Variants in CRAMP1 observed in about 807,000 individuals in gnomAD.
CRAMP1 encodes the protein protein cramped-like.
CRAMP1 carries 50 observed loss-of-function variants against 115.4 expected under a neutral mutation model. That is an observed-to-expected ratio of 0.43 (90% confidence interval 0.35 to 0.55). The LOEUF (loss-of-function observed/expected upper bound fraction) is 0.55, where lower values mean the gene tolerates loss of function less well. CRAMP1 is among the 20% of genes least tolerant of loss of function. The probability of loss-of-function intolerance (pLI) is 0.01; values close to 1 mark genes in which losing one functional copy is unlikely to be tolerated. For synonymous variants in CRAMP1, 866 were observed against 745.4 expected (o/e 1.16, Z -2.64); for missense variants, 1,679 against 1,721.7 (o/e 0.98, Z 0.44).
rs1271759245 is a variant in CRAMP1 at position 1,625,778 on chromosome 16, G to A, written c.347-195G>A. On this transcript the variant is annotated intron_variant, in intron 2 of 20. Transcript: ENST00000397412. ...TGTAAAAACATTTGAGGGTCATTTGGCCAGGTAAAGATCCTGGCAGTCCTA... is the reference window on the plus strand; with the variant it reads ...TGTAAAAACATTTGAGGGTCATTTGACCAGGTAAAGATCCTGGCAGTCCTA... 9.5e-6 allele frequency: 5 copies of A among 524,832 alleles called. No homozygotes were observed. The Admixed American group carries it at 1.9e-4, about 19-fold the overall frequency. 32.5% of individuals were successfully genotyped at this position (524,832 alleles called of 1,614,324 possible). A position where few individuals can be genotyped will look rare whatever the true frequency, so the allele number is the denominator to read the frequency against.
intron 6 of CRAMP1, among the ~76,000 whole-genome samples, chr16:1,648,366 T>C (rs907871969): frequency 1.3e-5 from 2 of 152,136 alleles, no homozygotes; most frequent in African/African-American, 4.8e-5. Flanking sequence ...CCCAGCACTT[T>C]GGGAGGCCGC....
chr16:1,618,121 T>C (rs2036436643), intron 2 of CRAMP1, among the ~76,000 whole-genome samples: 2 of 152,130 alleles, frequency 1.3e-5, no homozygotes. Context: ...TTTCCCTATT[T>C]GGCCAGTTCA....
At chr16:1,627,412 C>T (rs2142174545) in intron 3 of CRAMP1, among the ~76,000 whole-genome samples, 1 of 152,308 alleles carries the variant, frequency 6.6e-6, no homozygotes, top group Non-Finnish European at 1.5e-5. Context: ...TCCCAGGAGC[C>T]TTGTTCTTTT....
chr16:1,665,409 G>C (rs947190817), intron 14 of CRAMP1, among the ~76,000 whole-genome samples: 1 of 152,190 alleles, frequency 6.6e-6, no homozygotes, highest in Admixed American at 6.5e-5. Flanking sequence ...GGTTAGAGTT[G>C]TGTCTCTTGT....
intron 6 of CRAMP1, among the ~76,000 whole-genome samples, chr16:1,644,524 C>T (rs2036657685): frequency 6.6e-6 from 1 of 152,136 alleles, no homozygotes. Context: ...TACTGTGAAA[C>T]TGACGTGGCA....
chr16:1,629,040 A>G (rs1255552058), intron 3 of CRAMP1, among the ~76,000 whole-genome samples: 24 of 151,990 alleles, frequency 1.6e-4, no homozygotes, highest in Admixed American at 1.5e-3. Flanking sequence ...ATACCCTTCC[A>G]TTTCTGTGGC....
intron 2 of CRAMP1, among the ~76,000 whole-genome samples, chr16:1,615,398 A>G (rs2036410289): frequency 6.6e-6 from 1 of 152,094 alleles, no homozygotes; most frequent in African/African-American, 2.4e-5. Flanking sequence ...GGCTTTTGAA[A>G]CTCATTGGGG....
chr16:1,670,230 C>T (rs1294283938), intron 19 of CRAMP1, among the ~76,000 whole-genome samples: 1 of 151,760 alleles, frequency 6.6e-6, no homozygotes, highest in Non-Finnish European at 1.5e-5. Flanking sequence ...CACCACTGCA[C>T]TGCAGCCTGG....
intron 17 of CRAMP1, 108 bp downstream of exon 17, chr16:1,667,508 T>C: frequency 1.2e-6 from 1 of 842,440 alleles, no homozygotes; most frequent in Non-Finnish European, 2.0e-6. Flanking sequence ...TCTCCTAGAC[T>C]GTGCAGTGGC....
chr16:1,635,291 G>A (rs1008228211), intron 4 of CRAMP1, among the ~76,000 whole-genome samples: 1 of 152,210 alleles, frequency 6.6e-6, no homozygotes, highest in African/African-American at 2.4e-5. Flanking sequence ...GGTGGCAAGC[G>A]AGCGTGGAAG....
intron 6 of CRAMP1, among the ~76,000 whole-genome samples, chr16:1,648,073 G>C (rs1301830887): frequency 6.6e-6 from 1 of 151,782 alleles, no homozygotes; most frequent in Non-Finnish European, 1.5e-5. Flanking sequence ...TGTAACCTCA[G>C]AATGGTTCCA....
At chr16:1,667,273 G>T in intron 16 of CRAMP1, 62 bp from the exon 17 acceptor site, 1 of 1,363,440 alleles carries the variant, frequency 7.3e-7, no homozygotes, top group East Asian at 2.3e-5. Flanking sequence ...TCTGTCGCGG[G>T]TGAGGGTATG....
At chr16:1,665,331 G>T (rs982682348) in intron 14 of CRAMP1, among the ~76,000 whole-genome samples, 193 bp downstream of exon 14, 1 of 152,202 alleles carries the variant, frequency 6.6e-6, no homozygotes, top group Non-Finnish European at 1.5e-5. Context: ...CTAGTCCAGC[G>T]AGGCAGCTAG....
At chr16:1,615,607 G>A (rs1461135183) in intron 2 of CRAMP1, among the ~76,000 whole-genome samples, 1 of 152,186 alleles carries the variant, frequency 6.6e-6, no homozygotes, top group Non-Finnish European at 1.5e-5. Flanking sequence ...AGCTTGTAGT[G>A]TTCGCCCTTG....
chr16:1,645,164 A>G (rs1335529516), intron 6 of CRAMP1, among the ~76,000 whole-genome samples: 1 of 151,622 alleles, frequency 6.6e-6, no homozygotes, highest in East Asian at 1.9e-4. Context: ...GATTTCCCCC[A>G]TTATTAACAC....
At chr16:1,644,514 T>C (rs1255376089) in intron 6 of CRAMP1, among the ~76,000 whole-genome samples, 5 of 152,110 alleles carry the variant, frequency 3.3e-5, no homozygotes, top group Non-Finnish European at 1.5e-5. Context: ...GGATGAAAGT[T>C]ACTGTGAAAC....
intron 2 of CRAMP1, chr16:1,620,523 A>G (rs1171202510): frequency 2.3e-6 from 1 of 426,302 alleles, no homozygotes; most frequent in African/African-American, 2.0e-5. Flanking sequence ...TACTATTCCT[A>G]ACCCTCTGAA....
At chr16:1,661,785 G>C (rs1199967182) in intron 11 of CRAMP1, among the ~76,000 whole-genome samples, 2 of 152,026 alleles carry the variant, frequency 1.3e-5, no homozygotes, top group African/African-American at 4.8e-5. Flanking sequence ...GTAGAGACAG[G>C]GTTTCGCTAT....
rs200073715 is a variant in CRAMP1 at position 1,660,049 on chromosome 16, C to T, written c.2399C>T (p.Ala800Val). 1,096 of 1,583,032 alleles carry T rather than the reference C, an allele frequency of 6.9e-4. 3 individuals carry two copies. Among genetic ancestry groups the T allele is most frequent in the South Asian group, 1.5e-3 (133 of 88,792 alleles). The change falls in exon 11 of 21, where the codon GCA (alanine) becomes GTA (valine). Residue 800 changes from alanine (A) to valine (V), a missense_variant. This residue lies in a region of CRAMP1 where 709 missense variants were observed against 741.9 expected (regional missense o/e 0.96). Coordinates refer to ENST00000397412, the MANE Select transcript of CRAMP1 (RefSeq NM_020825.4). ...AGCAAGACCTTCCCGCCCAGCTCTG[C>T]ACCCTGCTCCTCAGGTGAGGCTGTG... ...RSSKTFPPSS[A>V]PCSSGLRNPP...
Sources: gnomAD v4.1 joint callset for allele counts (sites outside exome capture counted in the v4.1 genomes callset) on GRCh38, gnomAD v4.1.1 for gene constraint, gnomAD v4.1.1 regional missense constraint, MANE v1.5 for transcripts, NCBI Gene and HGNC (gene_info 2026-07-23, HGNC 2026-07-21) for gene names.